BCAS3: variants seen among roughly 807,000 people sequenced by gnomAD.
BCAS3 encodes the protein BCAS3 microtubule associated cell migration factor.
A neutral mutation model predicts 116.1 loss-of-function variants in BCAS3; 53 were observed. The ratio of observed to expected loss-of-function variants is 0.46; its 90% CI spans 0.37 to 0.57. BCAS3 has a LOEUF of 0.57. Among genes scored for constraint, BCAS3 ranks in the 20% least tolerant of loss-of-function variants. BCAS3 has a pLI of 0.00. For missense variants in BCAS3, 917 were observed against 1,165.4 expected (o/e 0.79, Z 3.10); for synonymous variants, 391 against 408.2 (o/e 0.96, Z 0.51).
At chr17:61,081,311 C>T (rs1370079024) in intron 21 of BCAS3, among the ~76,000 whole-genome samples, 1 of 152,062 alleles carries the variant, frequency 6.6e-6, no homozygotes, top group Non-Finnish European at 1.5e-5. Context: ...GTTTCGTGGC[C>T]TCCTCAGCTT....
At chr17:60,767,899 C>CA (rs1235356153) in intron 6 of BCAS3, among the ~76,000 whole-genome samples, 1 of 152,132 alleles carries the variant, frequency 6.6e-6, no homozygotes, top group Non-Finnish European at 1.5e-5. Flanking sequence ...CTTTTGGGCT[C>CA]AAGGGATCCT....
At position 61,100,028 on chromosome 17, in the gene BCAS3, C is replaced by T. The variant is rs147794398; in HGVS notation, c.2425+15464C>T. 2.7e-3 allele frequency among the ~76,000 whole-genome samples: 411 copies of T among 152,232 alleles called. 1 individual carries two copies. The highest frequency in any genetic ancestry group is 9.1e-3 in the African/African-American group (378 of 41,544). On this transcript the variant is annotated intron_variant, in intron 22 of 23. Transcript: ENST00000407086. ...AATTGACTTCTGTTGTATGAAGTGG[C>T]GTCTTGAGTCTTAAACCTATTTTAC... is the stretch of plus-strand genomic sequence containing the variant.
At chr17:61,216,679 G>T (rs2081813170) in intron 22 of BCAS3, among the ~76,000 whole-genome samples, 1 of 151,644 alleles carries the variant, frequency 6.6e-6, no homozygotes, top group Non-Finnish European at 1.5e-5. Context: ...GAGTAGCTGG[G>T]ATTACAGGCA....
rs143575601 is a variant in BCAS3 at position 60,771,467 on chromosome 17, C to G, written c.403+24188C>G. The stretch of plus-strand genomic sequence containing the variant: ...AAATTTCCTTTACCTTAAATCAAAT[C>G]AAACTTTTAAAAGAAACGTTGGTTC... On this transcript the variant is annotated intron_variant, in intron 6 of 23. Transcript: ENST00000407086. Among the ~76,000 whole-genome samples the G allele has an allele frequency of 2.0e-5, 3 of 152,086 alleles. No homozygotes were observed. The East Asian group carries it at 5.8e-4, about 29-fold the overall frequency.
chr17:60,963,835 G>T (rs930529353), intron 14 of BCAS3, among the ~76,000 whole-genome samples: 1 of 152,296 alleles, frequency 6.6e-6, no homozygotes, highest in African/African-American at 2.4e-5. Flanking sequence ...GATTACAGGC[G>T]TGAGCCACCA....
At chr17:60,848,642 TG>T (rs1355730017) in intron 7 of BCAS3, among the ~76,000 whole-genome samples, 8 of 152,148 alleles carry the variant, frequency 5.3e-5, no homozygotes, top group African/African-American at 1.9e-4. Context: ...TTTTCTTTAT[TG>T]AATATGGAGT....
chr17:60,970,134 T>C (rs1363995026), intron 14 of BCAS3, among the ~76,000 whole-genome samples: 1 of 152,220 alleles, frequency 6.6e-6, no homozygotes, highest in African/African-American at 2.4e-5. Flanking sequence ...AATTATTTTG[T>C]TGGTATTGTA....
rs1323517030 is a variant in BCAS3, at chr17:61,302,672, C to A, written c.2426-65655C>A. ...GGTTACATTGATGAGTGACAGAATT[C>A]TAGAATTCATATTTTTTTTTCAGCT... On this transcript the variant is annotated intron_variant, in intron 22 of 23. Coordinates refer to ENST00000407086, the MANE Select transcript of BCAS3 (RefSeq NM_017679.5). The surrounding 1 kb of genome is among the most constrained non-coding windows in gnomAD (Gnocchi z 4.4). 2.0e-5 allele frequency among the ~76,000 whole-genome samples: 3 copies of A among 152,108 alleles called. No homozygotes were observed. Among genetic ancestry groups the A allele is most frequent in the Non-Finnish European group, 4.4e-5 (3 of 68,016 alleles).
chr17:60,895,274 C>G (rs1048145501), intron 10 of BCAS3, among the ~76,000 whole-genome samples: 7 of 152,096 alleles, frequency 4.6e-5, no homozygotes, highest in African/African-American at 1.7e-4. Context: ...TTTCCTGATT[C>G]AATCTTGTTA....
At chr17:61,050,813 A>G (rs914339784) in intron 19 of BCAS3, among the ~76,000 whole-genome samples, 1 of 152,088 alleles carries the variant, frequency 6.6e-6, no homozygotes, top group Non-Finnish European at 1.5e-5. Context: ...ACTTCACTCA[A>G]CAGCAGAATA....
At chr17:61,194,123 A>G (rs1386320932) in intron 22 of BCAS3, among the ~76,000 whole-genome samples, 1 of 152,100 alleles carries the variant, frequency 6.6e-6, no homozygotes, top group African/African-American at 2.4e-5. Context: ...TCTCAGAAAA[A>G]GAAAAGAAAG....
At chr17:60,843,163 T>G (rs1401991887) in intron 7 of BCAS3, among the ~76,000 whole-genome samples, 3 of 151,748 alleles carry the variant, frequency 2.0e-5, no homozygotes, top group East Asian at 3.8e-4. Context: ...GCTAAAAAAC[T>G]TATACGTGCC....
chr17:61,223,780 T>A (rs2082238630), intron 22 of BCAS3, among the ~76,000 whole-genome samples: 1 of 152,238 alleles, frequency 6.6e-6, no homozygotes, highest in Admixed American at 6.5e-5. Context: ...GAACAACTTG[T>A]ATTTGCACCT....
In BCAS3 at chr17:61,278,869, A is replaced by G. The variant is rs1388955926; in HGVS notation, c.2426-89458A>G. 1.3e-5 allele frequency among the ~76,000 whole-genome samples: 2 copies of G among 152,140 alleles called. No homozygotes were observed. The highest frequency in any genetic ancestry group is 4.8e-5 in the African/African-American group (2 of 41,414). On this transcript the variant is annotated intron_variant, in intron 22 of 23. Transcript: ENST00000407086. The surrounding 1 kb of genome is among the most constrained non-coding windows in gnomAD (Gnocchi z 5.8). ...GCTAAGTGGTACAGGGTTTCTTTTC[A>G]GAACAATCAAAATCTTCTAAAATAG...
Position 60,961,016 on chromosome 17 carries a change from G to T in BCAS3, c.1221+13664G>T, listed in dbSNP as rs968163887. Among the ~76,000 whole-genome samples the T allele has an allele frequency of 1.3e-5, 2 of 151,948 alleles. No homozygotes were observed. Among genetic ancestry groups the T allele is most frequent in the African/African-American group, 4.8e-5 (2 of 41,380 alleles). ...GATGTCTTCAGCAGAATGTTGTCAA[G>T]CTATACTCCTGGCCTTCAGAGCACA... is the stretch of plus-strand genomic sequence containing the variant. On this transcript the variant is annotated intron_variant, in intron 14 of 23. Coordinates refer to ENST00000407086, the MANE Select transcript of BCAS3 (RefSeq NM_017679.5). This position sits in a 1 kb window ranked among gnomAD's most constrained non-coding sequence, Gnocchi z 4.8.
At chr17:60,813,319 T>C (rs1340715397) in intron 7 of BCAS3, among the ~76,000 whole-genome samples, 1 of 151,220 alleles carries the variant, frequency 6.6e-6, no homozygotes, top group Non-Finnish European at 1.5e-5. Context: ...AAAAGGAGGT[T>C]ATGTTAGGAG....
At chr17:60,947,416 C>T (rs917381412) in intron 14 of BCAS3, 64 bp downstream of exon 14, 28 of 1,468,350 alleles carry the variant, frequency 1.9e-5, no homozygotes, top group Non-Finnish European at 2.3e-5. Flanking sequence ...TCTAGCTGGT[C>T]ATTTATATTA....
At chr17:61,160,183 G>GT (rs5821308) in intron 22 of BCAS3, among the ~76,000 whole-genome samples, 97,368 of 146,270 alleles carry the variant, frequency 0.67, 35,509 homozygotes, top group South Asian at 0.89. Context: ...AAGCAGGGTG[G>GT]TTTTTTTTTT....
chr17:61,106,820 A>G lies in BCAS3; in HGVS notation c.2425+22256A>G, dbSNP rs905665639. Among the ~76,000 whole-genome samples, 27 of 152,270 alleles carry G rather than the reference A, an allele frequency of 1.8e-4. No homozygotes were observed. Among genetic ancestry groups the G allele is most frequent in the African/African-American group, 6.0e-4 (25 of 41,558 alleles). On this transcript the variant is annotated intron_variant, in intron 22 of 23. Transcript: ENST00000407086. The surrounding 1 kb of genome is among the most constrained non-coding windows in gnomAD (Gnocchi z 4.2). ...ATCATTAAACTTTGAGATCGTTTAGAATTTTTTACCATACTAATTTAGAAT... is the reference window on the plus strand; with the variant it reads ...ATCATTAAACTTTGAGATCGTTTAGGATTTTTTACCATACTAATTTAGAAT...
Sources: gnomAD v4.1 joint callset for allele counts (sites outside exome capture counted in the v4.1 genomes callset) on GRCh38, gnomAD v4.1.1 for gene constraint, Gnocchi (gnomAD v3.1) non-coding constraint, MANE v1.5 for transcripts, NCBI Gene and HGNC (gene_info 2026-07-23, HGNC 2026-07-21) for gene names.